Variants in LGSN observed in about 807,000 individuals in gnomAD.
The protein encoded by LGSN is lengsin, lens protein with glutamine synthetase domain, also known as lengsin.
A neutral mutation model predicts 19.5 loss-of-function variants in LGSN; 21 were observed. That is an observed-to-expected ratio of 1.07 (90% CI 0.76 to 1.55). The LOEUF (loss-of-function observed/expected upper bound fraction) is 1.55. LGSN is among the 40% of genes most tolerant of loss of function. The probability of loss-of-function intolerance (pLI) is 0.00; values close to 1 mark genes in which losing one functional copy is unlikely to be tolerated. For synonymous variants in LGSN, 257 were observed against 215.6 expected (o/e 1.19, Z -1.68); for missense variants, 673 against 608.5 (o/e 1.11, Z -1.12).
the LGSN span, among the ~76,000 whole-genome samples, chr6:63,528,895 C>A: frequency 6.6e-6 from 1 of 152,000 alleles, no homozygotes; most frequent in African/African-American, 2.4e-5. Flanking sequence ...TCAAGACCAG[C>A]CTGACTAACA....
chr6:63,545,578 T>G, the LGSN span, among the ~76,000 whole-genome samples: 1 of 151,506 alleles, frequency 6.6e-6, no homozygotes. Flanking sequence ...GCCATTGCAC[T>G]CCAGCCTGGG....
chr6:63,282,615 C>T (rs1029442934), intron 3 of LGSN, among the ~76,000 whole-genome samples: 4 of 152,194 alleles, frequency 2.6e-5, no homozygotes, highest in Non-Finnish European at 5.9e-5. Flanking sequence ...TTCACTCTTC[C>T]GCATTTGCCC....
At chr6:63,316,415 A>G (rs1302731333) in intron 1 of LGSN, among the ~76,000 whole-genome samples, 2 of 152,122 alleles carry the variant, frequency 1.3e-5, no homozygotes, top group Non-Finnish European at 2.9e-5. Context: ...AAAATCTACA[A>G]TAGAAGTTCT....
At chr6:63,512,351 G>A in the LGSN span, among the ~76,000 whole-genome samples, 4 of 152,196 alleles carry the variant, frequency 2.6e-5, no homozygotes. Context: ...CCAAAGTGCT[G>A]GGATTACAGG....
chr6:63,412,772 G>GAGAAAGAAAGA, the LGSN span, among the ~76,000 whole-genome samples: 534 of 41,156 alleles, frequency 0.013, 64 homozygotes, highest in African/African-American at 0.047. Flanking sequence ...AGAAAGAAAG[G>GAGAAAGAAAGA]AAGGAAGGGA....
the LGSN span, chr6:63,549,005 G>A: frequency 1.4e-6 from 1 of 730,014 alleles, no homozygotes; most frequent in Non-Finnish European, 2.5e-6. Flanking sequence ...CAGGCAAGAA[G>A]ACAACCAGCT....
upstream of LGSN, among the ~76,000 whole-genome samples, chr6:63,323,640 TATA>T (rs983850429): frequency 4.0e-5 from 6 of 150,652 alleles, no homozygotes; most frequent in Admixed American, 1.3e-4. Context: ...TATTTAAAAA[TATA>T]ATAATAATGG....
chr6:63,431,365 G>C, the LGSN span, among the ~76,000 whole-genome samples: 1 of 152,202 alleles, frequency 6.6e-6, no homozygotes, highest in South Asian at 2.1e-4. Flanking sequence ...AGAAGAGAAA[G>C]AGCATTGTAT....
the LGSN span, among the ~76,000 whole-genome samples, chr6:63,559,999 C>T: frequency 3.0e-4 from 45 of 152,104 alleles, no homozygotes; most frequent in Non-Finnish European, 4.3e-4. Context: ...TGGAAGATCA[C>T]GGAATGGCCT....
the LGSN span, among the ~76,000 whole-genome samples, chr6:63,562,075 A>G: frequency 1.1e-4 from 16 of 152,190 alleles, no homozygotes; most frequent in African/African-American, 3.9e-4. Flanking sequence ...ACACCCATAA[A>G]GTATTTAAAT....
chr6:63,389,121 C>T, the LGSN span, among the ~76,000 whole-genome samples: 1 of 152,132 alleles, frequency 6.6e-6, no homozygotes, highest in Non-Finnish European at 1.5e-5. Context: ...GTAAACTGAA[C>T]ATTATTGTCT....
the LGSN span, chr6:63,397,061 C>T: frequency 6.6e-6 from 1 of 152,184 alleles, no homozygotes; most frequent in East Asian, 1.9e-4. Flanking sequence ...GCTGGTCTTA[C>T]CTTATAGATT....
chr6:63,432,461 G>A, the LGSN span, among the ~76,000 whole-genome samples: 5 of 152,020 alleles, frequency 3.3e-5, no homozygotes, highest in African/African-American at 7.3e-5. Flanking sequence ...GGAGGCAGAG[G>A]CAGGTGGATC....
the LGSN span, chr6:63,480,642 G>T: frequency 0.46 from 70,521 of 151,716 alleles, 18,203 homozygotes; most frequent in Non-Finnish European, 0.56. Context: ...AAAAGCAATA[G>T]ATTTTGGCAT....
the LGSN span, among the ~76,000 whole-genome samples, chr6:63,465,185 C>T: frequency 2.0e-5 from 3 of 151,726 alleles, no homozygotes; most frequent in African/African-American, 7.3e-5. Flanking sequence ...TGTTGTTGCT[C>T]TTTGTTTGTT....
At chr6:63,437,428 T>G in the LGSN span, among the ~76,000 whole-genome samples, 1 of 152,070 alleles carries the variant, frequency 6.6e-6, no homozygotes, top group South Asian at 2.1e-4. Flanking sequence ...TTTGTTTTGT[T>G]TTTGTTTTTT....
At chr6:63,295,390 A>T (rs1767945380) in intron 1 of LGSN, among the ~76,000 whole-genome samples, 1 of 152,142 alleles carries the variant, frequency 6.6e-6, no homozygotes, top group Non-Finnish European at 1.5e-5. Flanking sequence ...ACCTATTTTA[A>T]CTAAAAAGTT....
chr6:63,452,230 T>C, the LGSN span, among the ~76,000 whole-genome samples: 3 of 152,106 alleles, frequency 2.0e-5, no homozygotes, highest in Non-Finnish European at 2.9e-5. Context: ...TTTTCTTTGT[T>C]GGTTTTTCGT....
the LGSN span, among the ~76,000 whole-genome samples, chr6:63,435,073 C>T: frequency 1.6e-4 from 24 of 152,254 alleles, no homozygotes; most frequent in African/African-American, 5.1e-4. Context: ...TCATGTGCCT[C>T]GAGCCATTTT....
Sources: allele counts gnomAD v4.1 joint callset (sites outside exome capture counted in the v4.1 genomes callset), GRCh38; gene constraint gnomAD v4.1.1; transcripts MANE v1.5; gene names NCBI Gene and HGNC (gene_info 2026-07-23, HGNC 2026-07-21).